The following ZPBP variants were observed in gnomAD, a reference collection of about 807,000 sequenced individuals.
The protein encoded by ZPBP is zona pellucida-binding protein 1.
Under a neutral mutation model 44.8 loss-of-function variants are expected in ZPBP, and 26 were observed. The observed-to-expected ratio is 0.58, with a 90% CI of 0.43 to 0.81. The LOEUF is 0.81. Ranked by LOEUF, ZPBP falls within the 30% of genes least tolerant of loss-of-function variation. The pLI is 0.00. For synonymous variants in ZPBP, 174 were observed against 153.2 expected (o/e 1.14, Z -1.00); for missense variants, 409 against 434.0 (o/e 0.94, Z 0.51).
chr7:49,992,156 T>C (rs1797603065), intron 6 of ZPBP, among the ~76,000 whole-genome samples: 1 of 152,162 alleles, frequency 6.6e-6, no homozygotes, highest in South Asian at 2.1e-4. Flanking sequence ...TATGACTTCT[T>C]AGACCAAAGT....
chr7:49,982,286 TACATA>T lies in ZPBP; in HGVS notation c.961+1051_961+1055del, dbSNP rs1797042840. The stretch of plus-strand genomic sequence containing the variant: ...ATATATTATATATAATTTATAATTA[TACATA>T]ATATATATAATATATAATTATATAA... On this transcript the variant is annotated intron_variant, in intron 7 of 7. Coordinates refer to ENST00000046087, the MANE Select transcript of ZPBP (RefSeq NM_007009.3). Among the ~76,000 whole-genome samples the T allele has an allele frequency of 9.4e-4, 45 of 48,124 alleles. 1 individual carries two copies. In the South Asian group the frequency reaches 0.02, roughly 21 times the overall value. 31.6% of individuals were successfully genotyped at this position (48,124 alleles called of 152,430 possible).
chr7:50,030,047 G>A (rs927436784), intron 5 of ZPBP, among the ~76,000 whole-genome samples: 1 of 152,110 alleles, frequency 6.6e-6, no homozygotes, highest in Non-Finnish European at 1.5e-5. Flanking sequence ...GTAGAGGCAG[G>A]TTTCGCCATG....
intron 6 of ZPBP, among the ~76,000 whole-genome samples, chr7:50,004,323 C>T (rs576909100): frequency 1.3e-5 from 2 of 152,120 alleles, no homozygotes; most frequent in South Asian, 4.2e-4. Context: ...CCTTTGGACT[C>T]AGGGACTGGG....
Position 50,093,159 on chromosome 7 carries a change from G to T in ZPBP, c.36C>A (p.Gly12=), listed in dbSNP as rs1274816444. Reference sequence around the variant, plus strand: ...AGCCGGCGGCCCGGGTCCGCCGCCTGCCCCGCCGCGCTGGGCCAAGGGCGA... The same window carrying T: ...AGCCGGCGGCCCGGGTCCGCCGCCTTCCCCGCCGCGCTGGGCCAAGGGCGA... ...EAFALGPARR[G]RRRTRAAGSL... The change falls in exon 1 of 8, where the codon GGC becomes GGA. Residue 12 remains glycine (G), a synonymous_variant. Coordinates refer to ENST00000046087, the MANE Select transcript of ZPBP (RefSeq NM_007009.3). The T allele has an allele frequency of 1.3e-6, 2 of 1,537,778 alleles. No individual in the cohort carries two copies. The highest frequency in any genetic ancestry group is 4.0e-5 in the Admixed American group (2 of 50,266).
downstream of ZPBP, among the ~76,000 whole-genome samples, chr7:49,935,133 C>T (rs1187688646): frequency 2.0e-5 from 3 of 152,104 alleles, no homozygotes; most frequent in African/African-American, 4.8e-5. Flanking sequence ...GTCTTAATTA[C>T]TCAAGTATTT....
At chr7:49,900,839 G>T (rs1052417599) in intron 2 of ZPBP, among the ~76,000 whole-genome samples, 10 of 151,798 alleles carry the variant, frequency 6.6e-5, no homozygotes, top group African/African-American at 2.4e-4. Flanking sequence ...TATTTCTTAA[G>T]AATATAGATG....
intron 7 of ZPBP, among the ~76,000 whole-genome samples, chr7:49,983,042 A>T (rs1562822285): frequency 6.6e-6 from 1 of 152,026 alleles, no homozygotes; most frequent in African/African-American, 2.4e-5. Flanking sequence ...AGATATATTA[A>T]TTGGCTTTTT....
intron 4 of ZPBP, among the ~76,000 whole-genome samples, chr7:50,035,691 TA>T (rs1349334059): frequency 6.6e-6 from 1 of 152,110 alleles, no homozygotes; most frequent in Non-Finnish European, 1.5e-5. Flanking sequence ...AAATGCAAAT[TA>T]TAAGTGATAC....
In ZPBP at chr7:49,923,595, T is replaced by C. The variant is rs182750121; in HGVS notation, n.411+12156A>G. ...TGTTTTGCTCTATCTTAATTCTGTG[T>C]GTTTTAAATATGAAAACTTCTTCTT... On this transcript the variant is annotated intron_variant and non_coding_transcript_variant, in intron 1 of 2. Transcript: ENST00000465922. Among the ~76,000 whole-genome samples, 16 of 137,376 alleles carry C rather than the reference T, an allele frequency of 1.2e-4. No individual in the cohort carries two copies. The East Asian group carries it at 2.5e-3, about 21-fold the overall frequency. The allele number at this position is 137,376 out of a possible 152,430, so 90.1% of individuals were successfully genotyped here.
intron 4 of ZPBP, among the ~76,000 whole-genome samples, chr7:50,034,664 C>T (rs1441913673): frequency 6.6e-6 from 1 of 151,966 alleles, no homozygotes; most frequent in Non-Finnish European, 1.5e-5. Flanking sequence ...AAAAAACTCA[C>T]CTCTAACACC....
chr7:49,925,981 G>T (rs1794223935), intron 1 of ZPBP, among the ~76,000 whole-genome samples: 1 of 152,202 alleles, frequency 6.6e-6, no homozygotes, highest in Non-Finnish European at 1.5e-5. Flanking sequence ...TAGCTTACTT[G>T]GGCCCTCAGG....
At chr7:50,020,931 T>C (rs1277315717) in intron 5 of ZPBP, among the ~76,000 whole-genome samples, 1 of 152,082 alleles carries the variant, frequency 6.6e-6, no homozygotes, top group Non-Finnish European at 1.5e-5. Context: ...TATGTGTATG[T>C]AACAAAAGTT....
intron 2 of ZPBP, among the ~76,000 whole-genome samples, chr7:49,877,002 A>G (rs533490756): frequency 7.0e-4 from 107 of 152,234 alleles, no homozygotes; most frequent in Non-Finnish European, 1.2e-3. Context: ...TCCTTAGGAC[A>G]GTCTTGGGGT....
chr7:50,074,221 A>G (rs1801977313), intron 3 of ZPBP, among the ~76,000 whole-genome samples: 2 of 152,036 alleles, frequency 1.3e-5, no homozygotes, highest in Non-Finnish European at 2.9e-5. Flanking sequence ...AGGTAAAAAT[A>G]TTGGATTATA....
At chr7:49,915,314 G>A (rs1793657134) in intron 1 of ZPBP, 2 of 152,180 alleles carry the variant, frequency 1.3e-5, no homozygotes, top group African/African-American at 4.8e-5. Context: ...ACATCAAGGG[G>A]TCTGTAAGCC....
At chr7:49,881,913 CAATT>C (rs1305907866) in intron 2 of ZPBP, among the ~76,000 whole-genome samples, 1 of 151,612 alleles carries the variant, frequency 6.6e-6, no homozygotes, top group African/African-American at 2.4e-5. Context: ...ACTCAATTTC[CAATT>C]AATTAAAATT....
chr7:49,937,511 T>C lies in ZPBP; in HGVS notation c.*17A>G, dbSNP rs773285088. 1 of 1,578,502 alleles carries C rather than the reference T, an allele frequency of 6.3e-7. No homozygotes were observed. Among genetic ancestry groups the C allele is most frequent in the South Asian group, 1.1e-5 (1 of 90,266 alleles). On this transcript the variant is annotated 3_prime_UTR_variant, in exon 8 of 8. Coordinates refer to ENST00000046087, the MANE Select transcript of ZPBP (RefSeq NM_007009.3). ...ACTTTGCATTTAATAAACCACTGAATAACTGAAGATAATGGCTTATAAGCA... is the reference window on the plus strand; with the variant it reads ...ACTTTGCATTTAATAAACCACTGAACAACTGAAGATAATGGCTTATAAGCA...
chr7:49,945,750 T>C (rs1378216103), intron 7 of ZPBP, among the ~76,000 whole-genome samples: 2 of 152,150 alleles, frequency 1.3e-5, no homozygotes, highest in African/African-American at 4.8e-5. Flanking sequence ...GTGTGTTTCA[T>C]GTAGGCAACA....
chr7:49,958,852 T>A (rs545886954), intron 7 of ZPBP, among the ~76,000 whole-genome samples: 11 of 152,202 alleles, frequency 7.2e-5, no homozygotes, highest in Middle Eastern at 3.4e-3. Context: ...GAGAAAACAA[T>A]GTCCAACTCA....
Sources: allele counts gnomAD v4.1 joint callset (sites outside exome capture counted in the v4.1 genomes callset), GRCh38; gene constraint gnomAD v4.1.1; transcripts MANE v1.5; gene names NCBI Gene and HGNC (gene_info 2026-07-23, HGNC 2026-07-21).